The following DENND3 variants were observed in gnomAD, a reference collection of about 807,000 sequenced individuals.
DENND3 encodes the protein DENN domain-containing protein 3.
DENND3 carries 88 observed loss-of-function variants against 135.1 expected under a neutral mutation model. That is an observed-to-expected ratio of 0.65 (90% CI 0.55 to 0.78). The LOEUF is 0.78. Among genes scored for constraint, DENND3 ranks in the 30% least tolerant of loss-of-function variants. The pLI is 0.00. For missense variants in DENND3, 1,392 were observed against 1,688.4 expected (o/e 0.82, Z 3.08); for synonymous variants, 693 against 712.3 (o/e 0.97, Z 0.43).
intron 18 of DENND3, among the ~76,000 whole-genome samples, chr8:141,187,141 A>G (rs1026078533): frequency 2.6e-5 from 4 of 152,148 alleles, no homozygotes; most frequent in Admixed American, 6.5e-5. Flanking sequence ...TCTGCTGAGA[A>G]ATCCTCATGC....
chr8:141,177,382 G>C (rs563287843), intron 15 of DENND3: 1 of 152,942 alleles, frequency 6.5e-6, no homozygotes, highest in South Asian at 2.1e-4. Context: ...AATGGGCAAA[G>C]ACCATGAACG....
rs1379625662 is a variant in DENND3 at position 141,146,902 on chromosome 8, G to A, written c.735+2643G>A. On this transcript the variant is annotated intron_variant, in intron 5 of 22. Transcript: ENST00000519811. The surrounding 1 kb of genome is among the most constrained non-coding windows in gnomAD (Gnocchi z 4.3). Reference sequence around the variant, plus strand: ...TGTAAACGCAGCAAGTATTTACTGAGGGCCTGTGAGATCCGTGAACAGAGC... The same window carrying A: ...TGTAAACGCAGCAAGTATTTACTGAAGGCCTGTGAGATCCGTGAACAGAGC... Among the ~76,000 whole-genome samples the A allele has an allele frequency of 6.6e-6, 1 of 152,214 alleles. No individual in the cohort carries two copies. Among genetic ancestry groups the A allele is most frequent in the Non-Finnish European group, 1.5e-5 (1 of 68,042 alleles).
chr8:141,130,014 GTC>G lies in DENND3; in HGVS notation c.102+1208_102+1209del, dbSNP rs767675138. 1.3e-5 allele frequency: 2 copies of G among 152,140 alleles called. No individual in the cohort carries two copies. The highest frequency in any genetic ancestry group is 2.9e-5 in the Non-Finnish European group (2 of 68,036). The allele number at this position is 152,140 out of a possible 1,614,324, so 9.4% of individuals were successfully genotyped here. On this transcript the variant is annotated intron_variant, in intron 1 of 22. Coordinates refer to ENST00000519811, the MANE Select transcript of DENND3 (RefSeq NM_001352890.3). This position sits in a 1 kb window ranked among gnomAD's most constrained non-coding sequence, Gnocchi z 4.2. ...TCCTCGCAACGTCATCGATTGATTTGTCTCCCTACCTCGAATTTGCCAGATGG... is the reference window on the plus strand; with the variant it reads ...TCCTCGCAACGTCATCGATTGATTTGTCCCTACCTCGAATTTGCCAGATGG...
Position 141,175,424 on chromosome 8 carries a change from G to A in DENND3, c.2500G>A (p.Gly834Ser), listed in dbSNP as rs758178159. 6.2e-6 allele frequency: 10 copies of A among 1,614,200 alleles called. No individual in the cohort carries two copies. The South Asian group carries it at 9.9e-5, about 16-fold the overall frequency. Residue 834 changes from glycine to serine, a missense_variant, in exon 14 of 23, where the codon GGC (glycine) becomes AGC (serine). Gly to Ser is a moderately conservative substitution (Grantham distance 56). Coordinates refer to ENST00000519811, the MANE Select transcript of DENND3 (RefSeq NM_001352890.3). This position sits in a 1 kb window ranked among gnomAD's most constrained non-coding sequence, Gnocchi z 5.4. ...GTTCCTCCTAACCGAAGGAAGGCCA[G>A]GCTACTTGGAGATTTCCACCTTCAG... ...RLFLLTEGRP[G>S]YLEISTFRNI... is the part of the protein sequence containing the mutation.
At chr8:141,148,606 ATC>A (rs1426973078) in intron 5 of DENND3, among the ~76,000 whole-genome samples, 2 of 152,166 alleles carry the variant, frequency 1.3e-5, no homozygotes, top group African/African-American at 4.8e-5. Flanking sequence ...TACCTTAAAT[ATC>A]TCTCTCCTCA....
rs1002247730 is a variant in DENND3 at position 141,194,579 on chromosome 8, G to A, written c.*346G>A. 5 of 311,374 alleles carry A rather than the reference G, an allele frequency of 1.6e-5. No individual in the cohort carries two copies. Among genetic ancestry groups the A allele is most frequent in the South Asian group, 1.5e-4 (4 of 26,156 alleles). 19.3% of individuals were successfully genotyped at this position (311,374 alleles called of 1,614,324 possible). A position where few individuals can be genotyped will look rare whatever the true frequency, so the allele number is the denominator to read the frequency against. Reference sequence around the variant, plus strand: ...TGGCACTGGAGCCAGCAGCTTGGCCGAGTCACAGGTGACCCGTGGCCCTCA... The same window carrying A: ...TGGCACTGGAGCCAGCAGCTTGGCCAAGTCACAGGTGACCCGTGGCCCTCA... On this transcript the variant is annotated 3_prime_UTR_variant, in exon 23 of 23. Coordinates refer to ENST00000519811, the MANE Select transcript of DENND3 (RefSeq NM_001352890.3).
At chr8:141,171,796 C>T (rs890803276) in intron 13 of DENND3, among the ~76,000 whole-genome samples, 6 of 150,732 alleles carry the variant, frequency 4.0e-5, no homozygotes, top group African/African-American at 7.3e-5. Flanking sequence ...TGGGTGTGCA[C>T]GGTGCTGGGC....
In DENND3 at chr8:141,179,583, G is replaced by C. The variant is rs186560129; in HGVS notation, c.2837-1164G>C. On this transcript the variant is annotated intron_variant, in intron 16 of 22. Transcript: ENST00000519811. ...AGCTTATGGCCAACTCATGATGGAA[G>C]GTCTCAGACTGTACGGAATTAAATA... Among the ~76,000 whole-genome samples the C allele has an allele frequency of 8.8e-4, 134 of 152,310 alleles. 1 individual carries two copies. The highest frequency in any genetic ancestry group is 6.8e-3 in the Middle Eastern group (2 of 294).
At position 141,194,731 on chromosome 8, in the gene DENND3, A is replaced by T. The variant is rs1825170407; in HGVS notation, c.*498A>T. 6.3e-6 allele frequency: 1 copy of T among 159,444 alleles called. No individual in the cohort carries two copies. Among genetic ancestry groups the T allele is most frequent in the Admixed American group, 5.9e-5 (1 of 17,088 alleles). The allele number at this position is 159,444 out of a possible 1,614,324, so 9.9% of individuals were successfully genotyped here. On this transcript the variant is annotated 3_prime_UTR_variant, in exon 23 of 23. Transcript: ENST00000519811. ...CCCGGGGCCTCCAGCGAGGCCTGAGAAGGGTGGTTCGGGTAACCACTGTGG... is the reference window on the plus strand; with the variant it reads ...CCCGGGGCCTCCAGCGAGGCCTGAGTAGGGTGGTTCGGGTAACCACTGTGG...
chr8:141,189,995 C>T (rs182841495), intron 19 of DENND3, among the ~76,000 whole-genome samples: 1 of 152,160 alleles, frequency 6.6e-6, no homozygotes, highest in Non-Finnish European at 1.5e-5. Flanking sequence ...CTGCGGCCCG[C>T]GGTGGTGGGA....
chr8:141,157,008 T>C (rs2154613011), intron 8 of DENND3, among the ~76,000 whole-genome samples: 1 of 152,170 alleles, frequency 6.6e-6, no homozygotes, highest in Non-Finnish European at 1.5e-5. Flanking sequence ...GGTCTTGAAC[T>C]CCTGACCTTG....
chr8:141,169,272 G>A (rs6993862), intron 13 of DENND3, among the ~76,000 whole-genome samples: 38,419 of 152,232 alleles, frequency 0.25, 5,037 homozygotes, highest in Non-Finnish European at 0.29. Flanking sequence ...AGTTGCCCTG[G>A]GCACTTACCT....
rs111871583 is a variant in DENND3 at position 141,163,859 on chromosome 8, G to T, written c.1449+430G>T. ...GGGGGTGGAGGTTGCTGTGAGCCAA[G>T]ATGGTGTCACTATATTCCAGCCTGG... On this transcript the variant is annotated intron_variant, in intron 10 of 22. Transcript: ENST00000519811. Among the ~76,000 whole-genome samples, 1,118 of 141,444 alleles carry T rather than the reference G, an allele frequency of 7.9e-3. 13 individuals are homozygous for T. The highest frequency in any genetic ancestry group is 0.029 in the African/African-American group (1,073 of 37,404). 92.8% of individuals were successfully genotyped at this position (141,444 alleles called of 152,430 possible). A position where few individuals can be genotyped will look rare whatever the true frequency, so the allele number is the denominator to read the frequency against.
chr8:141,148,056 A>G (rs1223134140), intron 5 of DENND3, among the ~76,000 whole-genome samples: 1 of 152,236 alleles, frequency 6.6e-6, no homozygotes, highest in African/African-American at 2.4e-5. Flanking sequence ...AATAAATCCA[A>G]GAGGTCAGTG....
chr8:141,190,446 G>T, intron 20 of DENND3, 29 bp downstream of exon 20: 1 of 1,587,180 alleles, frequency 6.3e-7, no homozygotes. Flanking sequence ...ATCAGAGCGG[G>T]CACCCTACCT....
At chr8:141,132,461 G>A (rs1224302078) in intron 1 of DENND3, among the ~76,000 whole-genome samples, 4 of 152,020 alleles carry the variant, frequency 2.6e-5, no homozygotes, top group African/African-American at 4.8e-5. Flanking sequence ...AGGTTCAAGC[G>A]ATTCTCCTGT....
In DENND3 at chr8:141,185,252, T is replaced by C; in HGVS notation, c.3058T>C (p.Ser1020Pro). The change falls in exon 18 of 23, where the codon TCC becomes CCC. Residue 1020 changes from serine (S) to proline (P), a missense_variant. Ser to Pro is a moderately conservative substitution (Grantham distance 74). Coordinates refer to ENST00000519811, the MANE Select transcript of DENND3 (RefSeq NM_001352890.3). ...NASSWTIHQH[S>P]FKVGTAKVNC... is the part of the protein sequence containing the mutation. ...TTCTTCATGGACCATCCACCAGCAC[T>C]CCTTTAAAGTGGGCACTGCAAAAGT... 6.2e-7 allele frequency: 1 copy of C among 1,614,174 alleles called. No individual in the cohort carries two copies. Among genetic ancestry groups the C allele is most frequent in the Non-Finnish European group, 8.5e-7 (1 of 1,180,020 alleles).
intron 5 of DENND3, among the ~76,000 whole-genome samples, chr8:141,149,762 T>C (rs778286156): frequency 6.6e-6 from 1 of 152,278 alleles, no homozygotes; most frequent in Non-Finnish European, 1.5e-5. Context: ...TGTCCCCCGC[T>C]GGGACGCGAT....
chr8:141,133,349 T>TA (rs1437970739), intron 1 of DENND3, among the ~76,000 whole-genome samples: 1 of 152,168 alleles, frequency 6.6e-6, no homozygotes, highest in Non-Finnish European at 1.5e-5. Context: ...CGTGGGAAGA[T>TA]ACAGTATCAT....
Sources: gnomAD v4.1 joint callset for allele counts (sites outside exome capture counted in the v4.1 genomes callset) on GRCh38, gnomAD v4.1.1 for gene constraint, Gnocchi (gnomAD v3.1) non-coding constraint, MANE v1.5 for transcripts, NCBI Gene and HGNC (gene_info 2026-07-23, HGNC 2026-07-21) for gene names.